The following KDM4C variants were observed in gnomAD, a reference collection of about 807,000 sequenced individuals.
KDM4C encodes lysine-specific demethylase 4C.
Under a neutral mutation model 129.3 loss-of-function variants are expected in KDM4C, and 81 were observed. The observed-to-expected ratio is 0.63, with a 90% CI of 0.52 to 0.75. The LOEUF is 0.75. KDM4C is among the 30% of genes least tolerant of loss of function. The pLI is 0.00. For missense variants in KDM4C, 1,457 were observed against 1,304.0 expected, an observed-to-expected ratio of 1.12 and a Z score of -1.81; for synonymous variants, 573 against 456.1, an observed-to-expected ratio of 1.26 and a Z score of -3.26.
intron 2 of KDM4C, among the ~76,000 whole-genome samples, chr9:6,795,446 C>A (rs866323225): frequency 6.6e-6 from 1 of 152,220 alleles, no homozygotes; most frequent in African/African-American, 2.4e-5. Context: ...ATTCTCCTGC[C>A]TCAGCCTCCT....
intron 7 of KDM4C, among the ~76,000 whole-genome samples, chr9:6,889,438 C>T (rs954665646): frequency 1.3e-5 from 2 of 152,064 alleles, no homozygotes; most frequent in African/African-American, 4.8e-5. Flanking sequence ...AAAAATCGTG[C>T]CTCCGAGATG....
At chr9:6,990,630 A>T (rs1022298757) in intron 12 of KDM4C, 106 bp downstream of exon 12, 1 of 686,284 alleles carries the variant, frequency 1.5e-6, no homozygotes, top group Admixed American at 2.9e-5. Flanking sequence ...CAAGTAGCAA[A>T]TACGTACTAT....
chr9:6,806,673 G>C lies in KDM4C; in HGVS notation c.320+899G>C, dbSNP rs1269655664. ...ACAGTCATCTGAGCATTTAATTGTG[G>C]CTGGAAGATTCTCTTACAAGAGTGC... On this transcript the variant is annotated intron_variant, in intron 3 of 21. Transcript: ENST00000381309. Among the ~76,000 whole-genome samples the C allele has an allele frequency of 2.6e-5, 4 of 152,022 alleles. No individual in the cohort carries two copies. In the East Asian group the frequency reaches 5.8e-4, roughly 22 times the overall value.
Position 6,880,032 on chromosome 9 carries a change from A to G in KDM4C, c.650A>G (p.His217Arg). Residue 217 changes from histidine (H) to arginine (R), a missense_variant, in exon 6 of 22, where the codon CAT becomes CGT. By Grantham distance (29) the His-to-Arg change is conservative. Transcript: ENST00000381309. Reference sequence around the variant, plus strand: ...TTTAGGTATGCTATACCTCCGGAGCATGGAAAACGACTTGAAAGACTAGCT... The same window carrying G: ...TTTAGGTATGCTATACCTCCGGAGCGTGGAAAACGACTTGAAAGACTAGCT... ...PKSWYAIPPE[H>R]GKRLERLAQG... is the part of the protein sequence containing the mutation. 6.2e-7 allele frequency: 1 copy of G among 1,600,326 alleles called. No individual in the cohort carries two copies. Among genetic ancestry groups the G allele is most frequent in the Non-Finnish European group, 8.5e-7 (1 of 1,171,484 alleles).
chr9:6,766,529 C>T (rs1447249643), intron 1 of KDM4C, among the ~76,000 whole-genome samples: 4 of 151,920 alleles, frequency 2.6e-5, no homozygotes, highest in African/African-American at 9.7e-5. Context: ...TAGCATTGTA[C>T]ATTTAGAAAT....
intron 8 of KDM4C, among the ~76,000 whole-genome samples, chr9:6,919,218 T>TTTCTTTCTTTCTTTCTTTCTTTC (rs1563811978): frequency 5.3e-5 from 4 of 75,908 alleles, no homozygotes; most frequent in African/African-American, 1.5e-4. Flanking sequence ...TGAATTTTCT[T>TTTCTTTCTTTCTTTCTTTCTTTC]TTTCCTTCTT....
chr9:7,067,941 G>A (rs1360573911), intron 17 of KDM4C, among the ~76,000 whole-genome samples: 2 of 151,944 alleles, frequency 1.3e-5, no homozygotes, highest in Admixed American at 6.6e-5. Flanking sequence ...GACTACAGGC[G>A]GCCACCACCA....
intron 21 of KDM4C, 191 bp downstream of exon 21, chr9:7,170,081 C>T: frequency 1.3e-6 from 2 of 1,489,864 alleles, no homozygotes; most frequent in Non-Finnish European, 1.8e-6. Flanking sequence ...GAAATTAATG[C>T]ATGTGCTTTA....
intron 1 of KDM4C, among the ~76,000 whole-genome samples, chr9:6,743,262 C>CAAA (rs1817763029): frequency 6.6e-6 from 1 of 152,122 alleles, no homozygotes; most frequent in African/African-American, 2.4e-5. Flanking sequence ...GGGCTTTACC[C>CAAA]CTTCAACGAC....
chr9:7,052,863 C>CAGAGTGAGAGAGAGAGAG (rs1830339009), intron 17 of KDM4C, among the ~76,000 whole-genome samples: 1 of 41,074 alleles, frequency 2.4e-5, no homozygotes, highest in African/African-American at 8.4e-5. Context: ...GCCACACCTG[C>CAGAGTGAGAGAGAGAGAG]AGAGAGAGAG....
At chr9:7,132,276 A>C (rs548046604) in intron 19 of KDM4C, among the ~76,000 whole-genome samples, 1 of 152,354 alleles carries the variant, frequency 6.6e-6, no homozygotes, top group South Asian at 2.1e-4. Flanking sequence ...TCATTTCATA[A>C]ACCCAACAGA....
chr9:6,835,783 T>A (rs908418809), intron 4 of KDM4C, among the ~76,000 whole-genome samples: 2 of 152,198 alleles, frequency 1.3e-5, no homozygotes, highest in African/African-American at 4.8e-5. Context: ...TTCTGCAGTG[T>A]GGCTGAGGAC....
intron 17 of KDM4C, chr9:7,076,363 C>T (rs17515634): frequency 0.011 from 11,824 of 1,055,334 alleles, 100 homozygotes; most frequent in Non-Finnish European, 0.013. Context: ...TGCTAAAGCC[C>T]ATGCTATTTT....
chr9:6,865,359 G>A (rs1841761821), intron 5 of KDM4C, among the ~76,000 whole-genome samples: 1 of 152,066 alleles, frequency 6.6e-6, no homozygotes, highest in Non-Finnish European at 1.5e-5. Context: ...TGTTATCTTG[G>A]AGATTACTGG....
In KDM4C at chr9:7,174,911, C is replaced by A; in HGVS notation, c.*182C>A. The A allele has an allele frequency of 1.9e-6, 1 of 514,984 alleles. No individual in the cohort carries two copies. Among genetic ancestry groups the A allele is most frequent in the East Asian group, 2.8e-5 (1 of 35,300 alleles). The allele number at this position is 514,984 out of a possible 1,614,324, so 31.9% of individuals were successfully genotyped here. A position where few individuals can be genotyped will look rare whatever the true frequency, so the allele number is the denominator to read the frequency against. On this transcript the variant is annotated 3_prime_UTR_variant, in exon 22 of 22. Coordinates refer to ENST00000381309, the MANE Select transcript of KDM4C (RefSeq NM_015061.6). The stretch of plus-strand genomic sequence containing the variant: ...TACAAAATACACCCAATGAATTGGA[C>A]GCAGCAATCTGAAATCATCTCTAGT...
chr9:7,122,263 A>ACTCT (rs1410461925), intron 18 of KDM4C, among the ~76,000 whole-genome samples: 2,220 of 144,958 alleles, frequency 0.015, 63 homozygotes, highest in African/African-American at 0.055. Context: ...ACACACACAC[A>ACTCT]CACTCTCTCT....
chr9:6,859,020 T>C (rs1352474872), intron 5 of KDM4C, among the ~76,000 whole-genome samples: 1 of 152,220 alleles, frequency 6.6e-6, no homozygotes, highest in African/African-American at 2.4e-5. Flanking sequence ...CAAATAGATT[T>C]ATAAATGTTC....
chr9:6,733,939 C>T (rs1817437735), intron 1 of KDM4C, among the ~76,000 whole-genome samples: 1 of 152,158 alleles, frequency 6.6e-6, no homozygotes, highest in South Asian at 2.1e-4. Context: ...AGGTCACGCT[C>T]ACATCTTGGT....
intron 1 of KDM4C, among the ~76,000 whole-genome samples, chr9:6,792,302 C>T (rs1290426432): frequency 3.3e-5 from 5 of 152,048 alleles, no homozygotes; most frequent in East Asian, 1.9e-4. Flanking sequence ...GAGATTGCGC[C>T]GCTGCACTCC....
Sources: gnomAD v4.1 joint callset for allele counts (sites outside exome capture counted in the v4.1 genomes callset) on GRCh38, gnomAD v4.1.1 for gene constraint, MANE v1.5 for transcripts, NCBI Gene and HGNC (gene_info 2026-07-23, HGNC 2026-07-21) for gene names.